The following MB21D2 variants were observed in gnomAD, a reference collection of about 807,000 sequenced individuals.
MB21D2 encodes the protein Mab-21 domain containing 2, also known as nucleotidyltransferase MB21D2.
Under a neutral mutation model 33.3 loss-of-function variants are expected in MB21D2, and 9 were observed. The ratio of observed to expected loss-of-function variants is 0.27; its 90% CI spans 0.16 to 0.47. MB21D2 has a LOEUF of 0.47. Ranked by LOEUF, MB21D2 falls within the 20% of genes least tolerant of loss-of-function variation. MB21D2 has a pLI of 0.99. For synonymous variants in MB21D2, 241 were observed against 236.3 expected (o/e 1.02, Z -0.18); for missense variants, 540 against 624.6 (o/e 0.86, Z 1.44).
chr3:192,877,027 C>T (rs9844320), intron 1 of MB21D2, among the ~76,000 whole-genome samples: 94,456 of 151,982 alleles, frequency 0.62, 31,508 homozygotes, highest in African/African-American at 0.87. Flanking sequence ...GTAATTAATA[C>T]AGGCTTATGG....
At chr3:192,868,873 A>C (rs1713226015) in intron 1 of MB21D2, among the ~76,000 whole-genome samples, 1 of 152,198 alleles carries the variant, frequency 6.6e-6, no homozygotes, top group Non-Finnish European at 1.5e-5. Flanking sequence ...TACAAAGCAC[A>C]GTGGGAAATG....
At chr3:192,866,569 C>T (rs574222821) in intron 1 of MB21D2, among the ~76,000 whole-genome samples, 11 of 152,232 alleles carry the variant, frequency 7.2e-5, no homozygotes, top group Non-Finnish European at 2.9e-5. Context: ...CATACGTGCA[C>T]GTGTATGTAG....
intron 1 of MB21D2, among the ~76,000 whole-genome samples, chr3:192,865,709 C>A (rs1316950234): frequency 6.6e-6 from 1 of 151,984 alleles, no homozygotes; most frequent in Non-Finnish European, 1.5e-5. Context: ...CCAACCCCCA[C>A]CCCATCCTCA....
At chr3:192,827,996 T>C (rs757719666) in intron 1 of MB21D2, among the ~76,000 whole-genome samples, 6 of 152,104 alleles carry the variant, frequency 3.9e-5, no homozygotes, top group Non-Finnish European at 7.3e-5. Flanking sequence ...TGAGATCTGA[T>C]GGCTTTATCT....
chr3:192,828,979 G>C (rs930375885), intron 1 of MB21D2, among the ~76,000 whole-genome samples: 2 of 151,836 alleles, frequency 1.3e-5, no homozygotes. Context: ...GATGCAGTTC[G>C]GTAAGTTTGG....
intron 1 of MB21D2, among the ~76,000 whole-genome samples, chr3:192,852,870 C>T (rs1712837535): frequency 6.6e-6 from 1 of 152,168 alleles, no homozygotes; most frequent in Non-Finnish European, 1.5e-5. Flanking sequence ...ACTGCATTTC[C>T]AAATTACTCC....
intron 1 of MB21D2, among the ~76,000 whole-genome samples, chr3:192,872,014 T>C (rs539595696): frequency 2.9e-4 from 44 of 152,286 alleles, no homozygotes; most frequent in Non-Finnish European, 4.0e-4. Flanking sequence ...ATCCTAAACA[T>C]TTCACTCATT....
chr3:192,900,429 CAAGG>C (rs1429203716), intron 1 of MB21D2, among the ~76,000 whole-genome samples: 4 of 151,872 alleles, frequency 2.6e-5, no homozygotes, highest in Non-Finnish European at 1.5e-5. Flanking sequence ...TCATGAAAGC[CAAGG>C]GAGGAAAGCA....
At chr3:192,908,392 T>C (rs964580405) in intron 1 of MB21D2, among the ~76,000 whole-genome samples, 1 of 147,488 alleles carries the variant, frequency 6.8e-6, no homozygotes, top group Admixed American at 6.6e-5. Flanking sequence ...GAAAGGTAAA[T>C]TTTCTTCTTT....
intron 1 of MB21D2, among the ~76,000 whole-genome samples, chr3:192,804,322 G>T (rs114174812): frequency 1.0e-3 from 150 of 149,852 alleles, no homozygotes; most frequent in African/African-American, 3.5e-3. Context: ...ATTTCTTGTT[G>T]TCTTTACAAC....
At chr3:192,806,734 A>G (rs776785133) in intron 1 of MB21D2, among the ~76,000 whole-genome samples, 4 of 152,214 alleles carry the variant, frequency 2.6e-5, no homozygotes, top group Non-Finnish European at 4.4e-5. Context: ...GCCTGTCAGC[A>G]TATGTTTACT....
At chr3:192,842,837 T>C (rs984253941) in intron 1 of MB21D2, among the ~76,000 whole-genome samples, 5 of 152,198 alleles carry the variant, frequency 3.3e-5, no homozygotes, top group African/African-American at 9.7e-5. Flanking sequence ...TCACATCCAC[T>C]GTGCATGTTA....
At chr3:192,845,685 A>C (rs973865573) in intron 1 of MB21D2, among the ~76,000 whole-genome samples, 3 of 152,068 alleles carry the variant, frequency 2.0e-5, no homozygotes, top group African/African-American at 7.3e-5. Context: ...GTCAAATATC[A>C]CTCTGATCTA....
chr3:192,854,129 G>A (rs143032176), intron 1 of MB21D2, among the ~76,000 whole-genome samples: 1 of 152,232 alleles, frequency 6.6e-6, no homozygotes, highest in African/African-American at 2.4e-5. Context: ...GACAGAAATG[G>A]TTAAGCTTAG....
chr3:192,851,350 G>C (rs956281123), intron 1 of MB21D2, among the ~76,000 whole-genome samples: 1 of 152,096 alleles, frequency 6.6e-6, no homozygotes, highest in Non-Finnish European at 1.5e-5. Flanking sequence ...AGGGCTGTTG[G>C]GGAGTGGGGA....
At chr3:192,859,402 C>G (rs1459788312) in intron 1 of MB21D2, among the ~76,000 whole-genome samples, 2 of 152,106 alleles carry the variant, frequency 1.3e-5, no homozygotes, top group Non-Finnish European at 2.9e-5. Context: ...TCAGACAGTG[C>G]CAGATGAGGA....
chr3:192,904,747 C>T lies in MB21D2; in HGVS notation c.211+12883G>A, dbSNP rs28579394. On this transcript the variant is annotated intron_variant, in intron 1 of 1. Coordinates refer to ENST00000392452, the MANE Select transcript of MB21D2 (RefSeq NM_178496.4). ...CGGGCAGGTGTTGAAGGGCAGTGGC[C>T]CCATCAGAAAACAGGGATGAGAGGT... Among the ~76,000 whole-genome samples the T allele has an allele frequency of 6.8e-3, 1,032 of 152,272 alleles. 3 individuals are homozygous for T. Among genetic ancestry groups the T allele is most frequent in the Non-Finnish European group, 9.9e-3 (675 of 68,028 alleles).
chr3:192,887,823 C>A (rs1713765582), intron 1 of MB21D2, among the ~76,000 whole-genome samples: 1 of 152,034 alleles, frequency 6.6e-6, no homozygotes, highest in African/African-American at 2.4e-5. Context: ...CACTGCTTCT[C>A]AAACTTGAAT....
chr3:192,854,798 C>T (rs1163244204), intron 1 of MB21D2, among the ~76,000 whole-genome samples: 1 of 152,186 alleles, frequency 6.6e-6, no homozygotes, highest in Non-Finnish European at 1.5e-5. Flanking sequence ...ATCTACTCTG[C>T]CTGTGCTCTA....
Sources: gnomAD v4.1 joint callset for allele counts (sites outside exome capture counted in the v4.1 genomes callset) on GRCh38, gnomAD v4.1.1 for gene constraint, MANE v1.5 for transcripts, NCBI Gene and HGNC (gene_info 2026-07-23, HGNC 2026-07-21) for gene names.